LRP5: variants seen among roughly 807,000 people sequenced by gnomAD.
The protein encoded by LRP5 is low-density lipoprotein receptor-related protein 5.
In LRP5, 62 loss-of-function variants were observed where a neutral mutation model predicts 154.1. The observed-to-expected ratio is 0.40, with a 90% confidence interval of 0.33 to 0.50. The LOEUF is 0.50. Among genes scored for constraint, LRP5 ranks in the 20% least tolerant of loss-of-function variants. The probability of loss-of-function intolerance (pLI) is 0.55; values close to 1 mark genes in which losing one functional copy is unlikely to be tolerated. For missense variants in LRP5, 1,915 were observed against 2,336.7 expected (o/e 0.82, Z 3.72); for synonymous variants, 966 against 1,011.5 (o/e 0.96, Z 0.85).
intron 2 of LRP5, among the ~76,000 whole-genome samples, chr11:68,356,596 C>A (rs556226263): frequency 6.6e-6 from 1 of 152,334 alleles, no homozygotes; most frequent in South Asian, 2.1e-4. Flanking sequence ...ACATTTGTTA[C>A]AACTGATGAA....
rs372799749 is a variant in LRP5 at position 68,366,981 on chromosome 11, C to T, written c.1015+1279C>T. On this transcript the variant is annotated intron_variant, in intron 5 of 22. Coordinates refer to ENST00000294304, the MANE Select transcript of LRP5 (RefSeq NM_002335.4). ...GACAGAATCCCGGGCCTCTGGCGCT[C>T]GCACTCTGGGCTCTGGGGCTGGGTG... 1.1e-4 allele frequency among the ~76,000 whole-genome samples: 16 copies of T among 142,220 alleles called. No individual in the cohort carries two copies. The East Asian group carries it at 2.5e-3, about 22-fold the overall frequency. The allele number at this position is 142,220 out of a possible 152,430, so 93.3% of individuals were successfully genotyped here.
At chr11:68,302,553 G>A in the LRP5 span, among the ~76,000 whole-genome samples, 1 of 152,076 alleles carries the variant, frequency 6.6e-6, no homozygotes, top group African/African-American at 2.4e-5. Flanking sequence ...TCAGTTCTAG[G>A]TAAACCAGGA....
chr11:68,307,486 G>A, the LRP5 span, among the ~76,000 whole-genome samples: 5 of 152,230 alleles, frequency 3.3e-5, no homozygotes, highest in Admixed American at 3.3e-4. Context: ...GCAATATAGT[G>A]AAACCCCATC....
At chr11:68,343,257 TC>T (rs1250351413) in intron 1 of LRP5, among the ~76,000 whole-genome samples, 1 of 152,076 alleles carries the variant, frequency 6.6e-6, no homozygotes, top group African/African-American at 2.4e-5. Context: ...AGTAGAAAGT[TC>T]CGTGTCCAGT....
rs560825257 is a variant in LRP5, at chr11:68,413,526, G to A, written c.2504-163G>A. Among the ~76,000 whole-genome samples the A allele has an allele frequency of 2.6e-5, 4 of 152,294 alleles. No individual in the cohort carries two copies. The highest frequency in any genetic ancestry group is 1.9e-4 in the East Asian group (1 of 5,176). On this transcript the variant is annotated intron_variant, in intron 11 of 22. Transcript: ENST00000294304. This position sits in a 1 kb window ranked among gnomAD's most constrained non-coding sequence, Gnocchi z 5.1. ...CTTAATTTTGCTAGATCCTGCCTGC[G>A]CTTCAGTGGATCTTGCTGGTTTTCC...
chr11:68,311,149 G>A (rs73496710), upstream of LRP5, among the ~76,000 whole-genome samples: 5,137 of 152,252 alleles, frequency 0.034, 256 homozygotes, highest in African/African-American at 0.12. Flanking sequence ...AGGCTGTGCT[G>A]GTAGAGCTGG....
At chr11:68,329,638 T>C (rs2098601613) in intron 1 of LRP5, among the ~76,000 whole-genome samples, 1 of 144,652 alleles carries the variant, frequency 6.9e-6, no homozygotes, top group Admixed American at 6.7e-5. Context: ...TCGGAGCCAC[T>C]CTCCTGGACT....
At position 68,349,184 on chromosome 11, in the gene LRP5, C is replaced by G. The variant is rs532580469; in HGVS notation, c.488+941C>G. On this transcript the variant is annotated intron_variant, in intron 2 of 22. Transcript: ENST00000294304. The stretch of plus-strand genomic sequence containing the variant: ...AGTAGCTGGGATTACAGGCGCCCAC[C>G]ACCACGCCCAGCTAATTTTTGTAGT... Among the ~76,000 whole-genome samples, 28 of 151,890 alleles carry G rather than the reference C, an allele frequency of 1.8e-4. No individual in the cohort carries two copies. The South Asian group carries it at 5.4e-3, about 29-fold the overall frequency.
upstream of LRP5, among the ~76,000 whole-genome samples, chr11:68,308,782 T>C (rs984109545): frequency 6.6e-6 from 1 of 151,868 alleles, no homozygotes; most frequent in African/African-American, 2.4e-5. Flanking sequence ...GGAGTCTTGC[T>C]CTGTCGCCCA....
intron 3 of LRP5, among the ~76,000 whole-genome samples, chr11:68,359,636 C>T (rs1175581635): frequency 6.6e-6 from 1 of 152,138 alleles, no homozygotes; most frequent in Non-Finnish European, 1.5e-5. Context: ...ATTTAATGCT[C>T]ATACCACCTC....
intron 1 of LRP5, among the ~76,000 whole-genome samples, chr11:68,313,786 T>C (rs544583035): frequency 4.1e-4 from 63 of 152,328 alleles, no homozygotes; most frequent in African/African-American, 1.5e-3. Flanking sequence ...TGTGGCAGTT[T>C]AGCGGGGAGG....
intron 1 of LRP5, among the ~76,000 whole-genome samples, chr11:68,332,385 C>CG (rs2098603346): frequency 1.3e-5 from 2 of 152,248 alleles, no homozygotes; most frequent in African/African-American, 4.8e-5. Context: ...CCCCAGCACC[C>CG]GGGCCTTGCT....
At chr11:68,425,768 C>T (rs535860742) in intron 15 of LRP5, among the ~76,000 whole-genome samples, 14 of 151,870 alleles carry the variant, frequency 9.2e-5, no homozygotes, top group Admixed American at 3.9e-4. Context: ...GCCTTCATCC[C>T]GAGCCCAGCC....
chr11:68,357,093 G>T (rs183352257), intron 2 of LRP5, among the ~76,000 whole-genome samples: 63 of 152,090 alleles, frequency 4.1e-4, no homozygotes, highest in Non-Finnish European at 5.9e-5. Context: ...TCACTACCAC[G>T]CCTGGCTAAT....
At chr11:68,332,494 C>T (rs1444099811) in intron 1 of LRP5, among the ~76,000 whole-genome samples, 1 of 152,236 alleles carries the variant, frequency 6.6e-6, no homozygotes. Context: ...TGCGGGCTCT[C>T]TCCAGTGAAG....
At chr11:68,315,349 A>G (rs202084587) in intron 1 of LRP5, among the ~76,000 whole-genome samples, 31 of 152,304 alleles carry the variant, frequency 2.0e-4, no homozygotes, top group East Asian at 9.7e-4. Flanking sequence ...TTTTTCCTGT[A>G]TGACCTTGGA....
chr11:68,349,027 C>CT (rs368502197), intron 2 of LRP5, among the ~76,000 whole-genome samples: 8,613 of 123,550 alleles, frequency 0.07, 533 homozygotes, highest in Admixed American at 0.2. Flanking sequence ...AGTTATGTTC[C>CT]TTTTTTTTTT....
chr11:68,448,263 T>C (rs2098682526), intron 22 of LRP5, among the ~76,000 whole-genome samples: 1 of 152,168 alleles, frequency 6.6e-6, no homozygotes, highest in African/African-American at 2.4e-5. Flanking sequence ...CCACAGCACG[T>C]GGGAATTATG....
At chr11:68,300,256 G>A in the LRP5 span, among the ~76,000 whole-genome samples, 31 of 149,228 alleles carry the variant, frequency 2.1e-4, 1 homozygote, top group African/African-American at 6.5e-4. Flanking sequence ...GGAGCTGGCC[G>A]AGGATGAGTG....
Sources: gnomAD v4.1 joint callset for allele counts (sites outside exome capture counted in the v4.1 genomes callset) on GRCh38, gnomAD v4.1.1 for gene constraint, Gnocchi (gnomAD v3.1) non-coding constraint, MANE v1.5 for transcripts, NCBI Gene and HGNC (gene_info 2026-07-23, HGNC 2026-07-21) for gene names.